The following CCSER1 variants were observed in gnomAD, a reference collection of about 807,000 sequenced individuals.
CCSER1 encodes coiled-coil serine rich protein 1, also known as serine-rich coiled-coil domain-containing protein 1.
CCSER1 carries 41 observed loss-of-function variants against 82.0 expected under a neutral mutation model. That is an observed-to-expected ratio of 0.50 (90% confidence interval 0.39 to 0.65). The LOEUF (loss-of-function observed/expected upper bound fraction) is 0.65, where lower values mean the gene tolerates loss of function less well. Among genes scored for constraint, CCSER1 ranks in the 30% least tolerant of loss-of-function variants. The pLI, the probability that CCSER1 is intolerant of heterozygous loss-of-function variation, is 0.00. For missense variants in CCSER1, 1,119 were observed against 1,064.2 expected, an observed-to-expected ratio of 1.05 and a Z score of -0.72; for synonymous variants, 414 against 383.9, an observed-to-expected ratio of 1.08 and a Z score of -0.92.
At chr4:90,783,294 A>T (rs990385876) in intron 7 of CCSER1, among the ~76,000 whole-genome samples, 2 of 152,226 alleles carry the variant, frequency 1.3e-5, no homozygotes. Flanking sequence ...CAGATAAATT[A>T]GGACATAAAA....
chr4:90,268,996 A>G (rs1725758429), intron 1 of CCSER1, among the ~76,000 whole-genome samples: 1 of 152,196 alleles, frequency 6.6e-6, no homozygotes, highest in Non-Finnish European at 1.5e-5. Context: ...GCAAGAGGAT[A>G]TAACAATTAT....
intron 10 of CCSER1, among the ~76,000 whole-genome samples, chr4:91,388,086 G>A (rs1182805217): frequency 6.6e-6 from 1 of 151,826 alleles, no homozygotes; most frequent in Admixed American, 6.6e-5. Context: ...TAATGAAATG[G>A]CAAAAGCTGG....
At chr4:91,041,140 G>T (rs140650216) in intron 9 of CCSER1, among the ~76,000 whole-genome samples, 1 of 152,244 alleles carries the variant, frequency 6.6e-6, no homozygotes, top group East Asian at 1.9e-4. Context: ...GGGGAGATGA[G>T]GGGGAGGAAT....
At chr4:90,657,665 T>C (rs1441702142) in intron 6 of CCSER1, among the ~76,000 whole-genome samples, 1 of 152,260 alleles carries the variant, frequency 6.6e-6, no homozygotes, top group Non-Finnish European at 1.5e-5. Flanking sequence ...GTTAAAGCCA[T>C]CTAATAAGAT....
intron 7 of CCSER1, among the ~76,000 whole-genome samples, chr4:90,729,818 G>GT (rs1162258334): frequency 1.3e-5 from 2 of 152,182 alleles, no homozygotes; most frequent in African/African-American, 4.8e-5. Context: ...GGAGCTTGCA[G>GT]TGAGCGGAGA....
rs1341131147 is a variant in CCSER1, at chr4:90,222,518, C to T, written c.-41-85726C>T. The stretch of plus-strand genomic sequence containing the variant: ...GAAAATGTGGCTTAGTGTATTGTTT[C>T]TAAATGACAATATGGGAATTAGAAC... On this transcript the variant is annotated intron_variant, in intron 1 of 10. Transcript: ENST00000509176. Among the ~76,000 whole-genome samples, 3 of 152,208 alleles carry T rather than the reference C, an allele frequency of 2.0e-5. No homozygotes were observed. In the East Asian group the frequency reaches 5.8e-4, roughly 29 times the overall value.
At chr4:90,723,529 G>A (rs982157667) in intron 6 of CCSER1, among the ~76,000 whole-genome samples, 9 of 151,646 alleles carry the variant, frequency 5.9e-5, no homozygotes, top group East Asian at 1.9e-4. Context: ...TGTAATACAC[G>A]TTTGAAAATC....
At chr4:90,478,740 T>C (rs751910030) in intron 5 of CCSER1, among the ~76,000 whole-genome samples, 1 of 151,450 alleles carries the variant, frequency 6.6e-6, no homozygotes, top group African/African-American at 2.4e-5. Flanking sequence ...TCTTTTTTTT[T>C]TTTTTTTTTA....
At chr4:91,495,595 A>G (rs1189885095) in intron 10 of CCSER1, among the ~76,000 whole-genome samples, 1 of 151,622 alleles carries the variant, frequency 6.6e-6, no homozygotes, top group South Asian at 2.1e-4. Flanking sequence ...TGGTTCATTT[A>G]CTTCAATTCC....
rs553424064 is a variant in CCSER1 at position 90,213,553 on chromosome 4, AAGAGG to A, written c.-42+85728_-42+85732del. ...ACCTGGCAGAGGGGTGTACATAATAAAGAGGAGAGGTCCACGAACTGAACTCTGAG... is the reference window on the plus strand; with the variant it reads ...ACCTGGCAGAGGGGTGTACATAATAAAGAGGTCCACGAACTGAACTCTGAG... On this transcript the variant is annotated intron_variant, in intron 1 of 10. Coordinates refer to ENST00000509176, the MANE Select transcript of CCSER1 (RefSeq NM_001145065.2). Among the ~76,000 whole-genome samples, 13 of 152,246 alleles carry A rather than the reference AAGAGG, an allele frequency of 8.5e-5. No homozygotes were observed. In the South Asian group the frequency reaches 2.3e-3, roughly 27 times the overall value.
chr4:90,168,123 C>T (rs1332413458), intron 1 of CCSER1, among the ~76,000 whole-genome samples: 1 of 152,306 alleles, frequency 6.6e-6, no homozygotes, highest in East Asian at 1.9e-4. Flanking sequence ...TCTCCATATC[C>T]TTTCCAGCAC....
chr4:90,469,006 T>C (rs184618026), intron 5 of CCSER1, among the ~76,000 whole-genome samples: 13 of 152,180 alleles, frequency 8.5e-5, no homozygotes, highest in South Asian at 2.1e-4. Flanking sequence ...ATTAAATACA[T>C]GAAAAGGAAA....
intron 1 of CCSER1, among the ~76,000 whole-genome samples, chr4:90,145,335 A>G (rs1390124772): frequency 6.6e-6 from 1 of 152,176 alleles, no homozygotes; most frequent in Non-Finnish European, 1.5e-5. Flanking sequence ...AAATAATTAA[A>G]GAGTCACATT....
intron 1 of CCSER1, among the ~76,000 whole-genome samples, chr4:90,155,757 C>G (rs1165811691): frequency 1.3e-5 from 2 of 151,942 alleles, no homozygotes; most frequent in Non-Finnish European, 2.9e-5. Flanking sequence ...TTTGATTCTT[C>G]TCTTTTTTCT....
chr4:90,883,971 A>C (rs1309976402), intron 8 of CCSER1, among the ~76,000 whole-genome samples: 1 of 152,216 alleles, frequency 6.6e-6, no homozygotes, highest in Non-Finnish European at 1.5e-5. Context: ...GTGACCTCTA[A>C]TATAAGGTAA....
chr4:90,689,487 A>G (rs1277051328), intron 6 of CCSER1, among the ~76,000 whole-genome samples: 1 of 152,178 alleles, frequency 6.6e-6, no homozygotes, highest in Non-Finnish European at 1.5e-5. Flanking sequence ...TTGAACTAAG[A>G]TTTCTAATAT....
intron 10 of CCSER1, among the ~76,000 whole-genome samples, chr4:91,410,490 T>C (rs1307272816): frequency 2.0e-5 from 3 of 152,166 alleles, no homozygotes; most frequent in African/African-American, 4.8e-5. Flanking sequence ...ACTGAGCATG[T>C]ATACCTTTAT....
At chr4:90,957,521 TATC>T (rs1444359896) in intron 9 of CCSER1, among the ~76,000 whole-genome samples, 71 of 97,194 alleles carry the variant, frequency 7.3e-4, no homozygotes, top group African/African-American at 1.9e-3. Flanking sequence ...TATAACATAA[TATC>T]ATATATTATA....
At chr4:90,771,578 A>AAG (rs1554009987) in intron 7 of CCSER1, among the ~76,000 whole-genome samples, 158 of 151,014 alleles carry the variant, frequency 1.0e-3, no homozygotes, top group African/African-American at 3.5e-3. Flanking sequence ...AAAAAAAAAA[A>AAG]AAAAGAAAAG....
Sources: allele counts gnomAD v4.1 joint callset (sites outside exome capture counted in the v4.1 genomes callset), GRCh38; gene constraint gnomAD v4.1.1; transcripts MANE v1.5; gene names NCBI Gene and HGNC (gene_info 2026-07-23, HGNC 2026-07-21).